Variants in PRKCA observed in about 807,000 individuals in gnomAD.
PRKCA encodes protein kinase C alpha type.
A neutral mutation model predicts 87.0 loss-of-function variants in PRKCA; 27 were observed. The ratio of observed to expected loss-of-function variants is 0.31; its 90% confidence interval spans 0.23 to 0.43. The LOEUF is 0.43. Ranked by LOEUF, PRKCA falls within the 20% of genes least tolerant of loss-of-function variation. PRKCA has a pLI of 1.00. For synonymous variants in PRKCA, 329 were observed against 311.1 expected, an observed-to-expected ratio of 1.06 and a Z score of -0.61; for missense variants, 518 against 852.3, an observed-to-expected ratio of 0.61 and a Z score of 4.88.
rs1916957151 is a variant in PRKCA at position 66,505,953 on chromosome 17, A to G, written c.288+9670A>G. On this transcript the variant is annotated intron_variant, in intron 3 of 16. Coordinates refer to ENST00000413366, the MANE Select transcript of PRKCA (RefSeq NM_002737.3). ...AAGTGATCCTCCTGCGTAGCTGGGG[A>G]GACAGGCGTGAGCAGCTTCACCTGG... Among the ~76,000 whole-genome samples, 6 of 152,218 alleles carry G rather than the reference A, an allele frequency of 3.9e-5. No individual in the cohort carries two copies. The South Asian group carries it at 1.2e-3, about 32-fold the overall frequency.
intron 8 of PRKCA, among the ~76,000 whole-genome samples, chr17:66,713,922 G>A (rs546856514): frequency 2.1e-4 from 32 of 152,276 alleles, no homozygotes; most frequent in African/African-American, 7.5e-4. Context: ...GTGGGGGCAG[G>A]CAGGACACAG....
intron 4 of PRKCA, among the ~76,000 whole-genome samples, chr17:66,643,836 G>A (rs1971377745): frequency 6.6e-6 from 1 of 152,178 alleles, no homozygotes; most frequent in Non-Finnish European, 1.5e-5. Flanking sequence ...TTGGGATGGG[G>A]CAGGACGTCA....
At chr17:66,728,188 G>A (rs1382809059) in intron 8 of PRKCA, among the ~76,000 whole-genome samples, 1 of 152,194 alleles carries the variant, frequency 6.6e-6, no homozygotes, top group East Asian at 1.9e-4. Context: ...GCTCTTGATT[G>A]GGGGAGCAAG....
intron 13 of PRKCA, among the ~76,000 whole-genome samples, chr17:66,756,805 G>A (rs1974559134): frequency 6.6e-6 from 1 of 152,104 alleles, no homozygotes; most frequent in Admixed American, 6.6e-5. Flanking sequence ...GGGATTACAG[G>A]CATGAGCCAC....
intron 11 of PRKCA, 75 bp downstream of exon 11, chr17:66,738,930 C>A (rs923367958): frequency 1.1e-5 from 13 of 1,161,632 alleles, no homozygotes; most frequent in African/African-American, 1.1e-4. Context: ...TTTTCCCCCC[C>A]GCTTGAGATT....
chr17:66,742,471 C>T (rs1974178595), intron 12 of PRKCA, 151 bp from the exon 13 acceptor site: 2 of 808,972 alleles, frequency 2.5e-6, no homozygotes, highest in African/African-American at 3.4e-5. Flanking sequence ...GATATCAACA[C>T]ACATTGACTT....
chr17:66,556,962 G>A (rs954373884), intron 3 of PRKCA, among the ~76,000 whole-genome samples: 2 of 152,178 alleles, frequency 1.3e-5, no homozygotes, highest in Non-Finnish European at 2.9e-5. Context: ...TAGGGGATAA[G>A]GAAAGCAATT....
At chr17:66,426,560 A>T (rs1402691529) in intron 2 of PRKCA, among the ~76,000 whole-genome samples, 2 of 151,110 alleles carry the variant, frequency 1.3e-5, no homozygotes, top group African/African-American at 4.9e-5. Flanking sequence ...TTATTGTAGC[A>T]CCATCTGCTG....
In PRKCA at chr17:66,629,637, G is replaced by A. The variant is rs534881443; in HGVS notation, c.289-11718G>A. Among the ~76,000 whole-genome samples, 10 of 152,182 alleles carry A rather than the reference G, an allele frequency of 6.6e-5. No individual in the cohort carries two copies. The South Asian group carries it at 2.1e-3, about 32-fold the overall frequency. On this transcript the variant is annotated intron_variant, in intron 3 of 16. Coordinates refer to ENST00000413366, the MANE Select transcript of PRKCA (RefSeq NM_002737.3). ...TATTTTACGTTCCTTTCCAACTATG[G>A]TATTGGAACTAACCAAGTCTGTAAT...
chr17:66,494,539 C>A (rs1445510521), intron 2 of PRKCA, among the ~76,000 whole-genome samples: 1 of 152,166 alleles, frequency 6.6e-6, no homozygotes, highest in African/African-American at 2.4e-5. Flanking sequence ...TGGAGTGACC[C>A]CCCAAGGGTC....
intron 8 of PRKCA, among the ~76,000 whole-genome samples, chr17:66,704,481 C>T (rs1474199027): frequency 6.6e-6 from 1 of 152,194 alleles, no homozygotes; most frequent in Non-Finnish European, 1.5e-5. Context: ...TTAACAATGG[C>T]TTCTGTCCAA....
intron 3 of PRKCA, among the ~76,000 whole-genome samples, chr17:66,636,137 C>T (rs1003093071): frequency 1.8e-4 from 27 of 152,084 alleles, no homozygotes; most frequent in African/African-American, 6.5e-4. Flanking sequence ...GAAATCAGGG[C>T]CCACAGAAGT....
chr17:66,539,691 C>T (rs1398427339), intron 3 of PRKCA, among the ~76,000 whole-genome samples: 1 of 152,114 alleles, frequency 6.6e-6, no homozygotes, highest in African/African-American at 2.4e-5. Flanking sequence ...GCGTAAGCAC[C>T]GCGCCCGGCC....
chr17:66,468,396 T>A (rs1018366885), intron 2 of PRKCA, among the ~76,000 whole-genome samples: 3 of 152,198 alleles, frequency 2.0e-5, no homozygotes, highest in Admixed American at 1.3e-4. Flanking sequence ...ACACATTTGC[T>A]ATCTTGGTGC....
At chr17:66,654,252 G>T (rs1358737228) in intron 5 of PRKCA, among the ~76,000 whole-genome samples, 1 of 152,188 alleles carries the variant, frequency 6.6e-6, no homozygotes, top group African/African-American at 2.4e-5. Context: ...GCCTAGAAAG[G>T]GGACATGAAG....
Position 66,735,595 on chromosome 17 carries a change from A to G in PRKCA, c.1163A>G (p.Lys388Arg). Reference sequence around the variant, plus strand: ...GACGTGGAGTGCACCATGGTAGAAAAGCGAGTCTTGGCCCTGCTTGACAAA... The same window carrying G: ...GACGTGGAGTGCACCATGGTAGAAAGGCGAGTCTTGGCCCTGCTTGACAAA... ...DDDVECTMVE[K>R]RVLALLDKPP... The change falls in exon 10 of 17, where the codon AAG becomes AGG. Residue 388 changes from lysine to arginine, a missense_variant. Coordinates refer to ENST00000413366, the MANE Select transcript of PRKCA (RefSeq NM_002737.3). 2 of 1,614,176 alleles carry G rather than the reference A, an allele frequency of 1.2e-6. No individual in the cohort carries two copies. Among genetic ancestry groups the G allele is most frequent in the Non-Finnish European group, 1.7e-6 (2 of 1,180,026 alleles).
intron 8 of PRKCA, among the ~76,000 whole-genome samples, chr17:66,709,556 A>G (rs970245708): frequency 1.3e-5 from 2 of 150,992 alleles, no homozygotes; most frequent in Non-Finnish European, 3.0e-5. Context: ...TGATCCACCC[A>G]CCTCAGCCTC....
intron 13 of PRKCA, among the ~76,000 whole-genome samples, chr17:66,758,534 T>A (rs1310369825): frequency 6.6e-6 from 1 of 152,188 alleles, no homozygotes; most frequent in African/African-American, 2.4e-5. Flanking sequence ...ATGCATGTGG[T>A]CTTTGGCAAG....
At chr17:66,563,396 G>T (rs1968776707) in intron 3 of PRKCA, among the ~76,000 whole-genome samples, 1 of 152,092 alleles carries the variant, frequency 6.6e-6, no homozygotes, top group South Asian at 2.1e-4. Flanking sequence ...TCCTTTTCTG[G>T]AATGTCATAT....
Sources: gnomAD v4.1 joint callset for allele counts (sites outside exome capture counted in the v4.1 genomes callset) on GRCh38, gnomAD v4.1.1 for gene constraint, MANE v1.5 for transcripts, NCBI Gene and HGNC (gene_info 2026-07-23, HGNC 2026-07-21) for gene names.